The following MAP2K4 variants were observed in gnomAD, a reference collection of about 807,000 sequenced individuals.
MAP2K4 encodes the protein dual specificity mitogen-activated protein kinase kinase 4.
In MAP2K4, 4 loss-of-function variants were observed where a neutral mutation model predicts 48.5. The ratio of observed to expected loss-of-function variants is 0.08; its 90% CI spans 0.04 to 0.19. The LOEUF (loss-of-function observed/expected upper bound fraction) is 0.19, where lower values mean the gene tolerates loss of function less well. MAP2K4 is among the 10% of genes least tolerant of loss of function. MAP2K4 has a pLI of 1.00. For missense variants in MAP2K4, 258 were observed against 493.3 expected (o/e 0.52, Z 4.52); for synonymous variants, 166 against 173.1 (o/e 0.96, Z 0.32).
At chr17:12,047,879 A>G (rs938662918) in intron 1 of MAP2K4, among the ~76,000 whole-genome samples, 6 of 152,210 alleles carry the variant, frequency 3.9e-5, no homozygotes, top group African/African-American at 1.4e-4. Context: ...TCCTGGTTTC[A>G]CAGATGTGTA....
chr17:12,040,332 A>G (rs566264762), intron 1 of MAP2K4, among the ~76,000 whole-genome samples: 1 of 152,238 alleles, frequency 6.6e-6, no homozygotes, highest in Non-Finnish European at 1.5e-5. Context: ...AGCCTTGGTC[A>G]TCTCTGACTT....
chr17:12,110,177 A>C (rs1192369877), intron 5 of MAP2K4, among the ~76,000 whole-genome samples, 198 bp from the exon 6 acceptor site: 1 of 152,234 alleles, frequency 6.6e-6, no homozygotes, highest in Non-Finnish European at 1.5e-5. Context: ...GCTATCAGGG[A>C]ACAGCATATA....
At chr17:12,062,296 T>C (rs1380765789) in intron 2 of MAP2K4, among the ~76,000 whole-genome samples, 2 of 152,180 alleles carry the variant, frequency 1.3e-5, no homozygotes, top group Non-Finnish European at 2.9e-5. Context: ...TAGTAGTTTT[T>C]AATTATTTCT....
intron 3 of MAP2K4, among the ~76,000 whole-genome samples, chr17:12,088,726 A>G (rs1971466698): frequency 6.7e-6 from 1 of 149,860 alleles, no homozygotes; most frequent in Non-Finnish European, 1.5e-5. Context: ...GTGTTTGCTC[A>G]TGTACTAGTT....
chr17:12,044,462 T>C (rs572377164), intron 1 of MAP2K4, among the ~76,000 whole-genome samples: 49 of 152,376 alleles, frequency 3.2e-4, no homozygotes, highest in African/African-American at 1.1e-3. Context: ...TCTGGCTTTC[T>C]TGTATAGTTA....
At chr17:12,045,967 A>T (rs1377834628) in intron 1 of MAP2K4, among the ~76,000 whole-genome samples, 1 of 152,242 alleles carries the variant, frequency 6.6e-6, no homozygotes, top group African/African-American at 2.4e-5. Context: ...GAGTACCTTT[A>T]CTGACTCTTG....
At chr17:12,110,466 T>C (rs777583138) in intron 6 of MAP2K4, 40 bp downstream of exon 6, 1 of 1,368,538 alleles carries the variant, frequency 7.3e-7, no homozygotes. Context: ...GAAATTAACT[T>C]TTTTCTCCTA....
At chr17:12,116,275 G>GT (rs1972490305) in intron 7 of MAP2K4, among the ~76,000 whole-genome samples, 1 of 152,114 alleles carries the variant, frequency 6.6e-6, no homozygotes, top group African/African-American at 2.4e-5. Flanking sequence ...TGGTTCACTG[G>GT]TATAAGGCAC....
chr17:12,085,582 A>G (rs1971334613), intron 3 of MAP2K4, among the ~76,000 whole-genome samples: 2 of 151,648 alleles, frequency 1.3e-5, no homozygotes, highest in Non-Finnish European at 2.9e-5. Context: ...CTACCCTTTC[A>G]CCTCTACTGT....
At chr17:12,133,118 G>A (rs960570574) in intron 9 of MAP2K4, among the ~76,000 whole-genome samples, 4 of 152,072 alleles carry the variant, frequency 2.6e-5, no homozygotes, top group Non-Finnish European at 4.4e-5. Context: ...GCCTTGCTCT[G>A]TCGCCCAGGC....
At chr17:12,044,730 G>A (rs563892162) in intron 1 of MAP2K4, among the ~76,000 whole-genome samples, 12 of 152,168 alleles carry the variant, frequency 7.9e-5, no homozygotes, top group Non-Finnish European at 1.5e-4. Flanking sequence ...AGATCCCACC[G>A]GTTGAGGGCT....
chr17:12,125,459 C>A (rs1186935389), intron 8 of MAP2K4, 88 bp downstream of exon 8: 47 of 1,001,010 alleles, frequency 4.7e-5, no homozygotes, highest in Non-Finnish European at 3.2e-6. Context: ...CTTCCCCGTT[C>A]GTTAAGAACT....
At position 12,107,929 on chromosome 17, in the gene MAP2K4, A is replaced by G. The variant is rs1972174125; in HGVS notation, c.633+20A>G. The G allele has an allele frequency of 1.3e-6, 2 of 1,574,398 alleles. No individual in the cohort carries two copies. The highest frequency in any genetic ancestry group is 1.7e-6 in the Non-Finnish European group (2 of 1,163,982). On this transcript the variant is annotated intron_variant, in intron 5 of 10. Transcript: ENST00000353533. Reference sequence around the variant, plus strand: ...TTAGCAGTAAGTACCTGGTCTTTAAATTATTCATTGTGTATATAGTTATAT... The same window carrying G: ...TTAGCAGTAAGTACCTGGTCTTTAAGTTATTCATTGTGTATATAGTTATAT...
chr17:12,090,794 C>G (rs188850219), intron 3 of MAP2K4, among the ~76,000 whole-genome samples: 1 of 152,204 alleles, frequency 6.6e-6, no homozygotes, highest in African/African-American at 2.4e-5. Flanking sequence ...ACAGTATATA[C>G]TGCCTGTTTC....
chr17:12,105,605 T>A (rs1972084003), intron 4 of MAP2K4, among the ~76,000 whole-genome samples: 1 of 152,104 alleles, frequency 6.6e-6, no homozygotes. Flanking sequence ...GTGGTCATCC[T>A]GTTTTCTGCT....
At chr17:12,131,539 C>T (rs1401761734) in intron 9 of MAP2K4, among the ~76,000 whole-genome samples, 1 of 152,110 alleles carries the variant, frequency 6.6e-6, no homozygotes, top group Non-Finnish European at 1.5e-5. Flanking sequence ...GCCACTGCCC[C>T]CGGCCCGCTC....
chr17:12,123,675 A>G (rs959291633), intron 7 of MAP2K4, among the ~76,000 whole-genome samples: 2 of 151,850 alleles, frequency 1.3e-5, no homozygotes. Flanking sequence ...TACACTATAC[A>G]TTTTCTTCTG....
At chr17:12,103,941 CA>C (rs1346482022) in intron 4 of MAP2K4, among the ~76,000 whole-genome samples, 11 of 152,074 alleles carry the variant, frequency 7.2e-5, no homozygotes, top group African/African-American at 2.7e-4. Context: ...GATTGCTTCT[CA>C]TTTTTTTATA....
intron 1 of MAP2K4, among the ~76,000 whole-genome samples, chr17:12,022,217 A>G (rs771914482): frequency 6.6e-6 from 1 of 152,162 alleles, no homozygotes; most frequent in Non-Finnish European, 1.5e-5. Context: ...AAGAGACAGG[A>G]TTTTATTTAT....
Sources: allele counts gnomAD v4.1 joint callset (sites outside exome capture counted in the v4.1 genomes callset), GRCh38; gene constraint gnomAD v4.1.1; transcripts MANE v1.5; gene names NCBI Gene and HGNC (gene_info 2026-07-23, HGNC 2026-07-21).